The following UBE2V2 variants were observed in gnomAD, a reference collection of about 807,000 sequenced individuals.
UBE2V2 encodes ubiquitin conjugating enzyme E2 V2.
A neutral mutation model predicts 17.2 loss-of-function variants in UBE2V2; 9 were observed. The ratio of observed to expected loss-of-function variants is 0.52; its 90% CI spans 0.32 to 0.91. The LOEUF is 0.91. Ranked by LOEUF, UBE2V2 falls within the 40% of genes least tolerant of loss-of-function variation. The pLI is 0.04. For synonymous variants in UBE2V2, 61 were observed against 57.5 expected (o/e 1.06, Z -0.28); for missense variants, 133 against 182.6 (o/e 0.73, Z 1.56).
In UBE2V2 at chr8:48,063,806, C is replaced by T. The variant is rs943971691; in HGVS notation, c.*2978C>T. 8.5e-5 allele frequency: 13 copies of T among 152,056 alleles called. No individual in the cohort carries two copies. The highest frequency in any genetic ancestry group is 5.2e-4 in the Admixed American group (8 of 15,268). The allele number at this position is 152,056 out of a possible 1,614,324, so 9.4% of individuals were successfully genotyped here. On this transcript the variant is annotated 3_prime_UTR_variant, in exon 4 of 4. Transcript: ENST00000523111. ...ATCACACAGAGTGATTTGAGGTTTT[C>T]GCAGAGTAGATTTGTTTGACTCATG...
At chr8:48,047,994 G>GT (rs1172713474) in intron 2 of UBE2V2, among the ~76,000 whole-genome samples, 1 of 82,562 alleles carries the variant, frequency 1.2e-5, no homozygotes, top group Admixed American at 1.8e-4. Flanking sequence ...AAGAGCTTTG[G>GT]GTTTTTTTTT....
At chr8:48,028,339 T>C (rs916458783) in intron 1 of UBE2V2, among the ~76,000 whole-genome samples, 3 of 134,434 alleles carry the variant, frequency 2.2e-5, no homozygotes, top group East Asian at 4.3e-4. Flanking sequence ...GGCTGTTTTC[T>C]TTTTTTTTTT....
At chr8:48,031,856 C>T (rs2091385703) in intron 1 of UBE2V2, among the ~76,000 whole-genome samples, 1 of 152,090 alleles carries the variant, frequency 6.6e-6, no homozygotes, top group Non-Finnish European at 1.5e-5. Context: ...CCATGTTATC[C>T]AGGATGGTCT....
the UBE2V2 span, among the ~76,000 whole-genome samples, chr8:48,000,766 G>T: frequency 7.0e-6 from 1 of 142,538 alleles, no homozygotes; most frequent in Admixed American, 7.3e-5. Flanking sequence ...AGCCTGCAGT[G>T]AGTGGAGATC....
intron 1 of UBE2V2, chr8:48,008,698 T>TG (rs1399235053): frequency 6.3e-6 from 2 of 315,962 alleles, no homozygotes; most frequent in Non-Finnish European, 9.4e-6. Context: ...GCCGGCGGGC[T>TG]GGGGGCGGGG....
chr8:48,046,928 TGAC>T (rs947589375), intron 2 of UBE2V2, among the ~76,000 whole-genome samples: 1 of 151,472 alleles, frequency 6.6e-6, no homozygotes, highest in Non-Finnish European at 1.5e-5. Flanking sequence ...TGTACTTTAT[TGAC>T]TAAGGTCCCT....
chr8:48,014,736 T>G (rs2091256741), intron 1 of UBE2V2, among the ~76,000 whole-genome samples: 1 of 149,638 alleles, frequency 6.7e-6, no homozygotes, highest in Non-Finnish European at 1.5e-5. Flanking sequence ...TATTAAGAAT[T>G]AAAATGTTTT....
chr8:48,007,298 T>C (rs1203388061), upstream of UBE2V2, among the ~76,000 whole-genome samples: 2 of 152,086 alleles, frequency 1.3e-5, no homozygotes, highest in Non-Finnish European at 2.9e-5. Context: ...GGTATTCAAT[T>C]AGGAAAAGAG....
rs1338149599 is a variant in UBE2V2 at position 48,062,194 on chromosome 8, T to C, written c.*1366T>C. ...AATATAGAAAGGTGGTCAGGTAAAG[T>C]CTACTTTTATTTTGTCAAGCTTAAT... On this transcript the variant is annotated 3_prime_UTR_variant, in exon 4 of 4. Coordinates refer to ENST00000523111, the MANE Select transcript of UBE2V2 (RefSeq NM_003350.3). 1.3e-5 allele frequency: 2 copies of C among 152,176 alleles called. No individual in the cohort carries two copies. 9.4% of individuals were successfully genotyped at this position (152,176 alleles called of 1,614,324 possible).
At chr8:48,034,855 G>T (rs577868132) in intron 1 of UBE2V2, 1 of 168,330 alleles carries the variant, frequency 5.9e-6, no homozygotes, top group East Asian at 1.9e-4. Context: ...TCTTCTGCTG[G>T]TTTCACTTAG....
chr8:48,036,144 TG>T (rs1344218631), intron 1 of UBE2V2, among the ~76,000 whole-genome samples: 3 of 150,704 alleles, frequency 2.0e-5, no homozygotes, highest in East Asian at 4.0e-4. Context: ...TTTGTAGAGA[TG>T]GGGTTTTGCA....
At position 48,061,574 on chromosome 8, in the gene UBE2V2, CTG is replaced by C. The variant is rs992725576; in HGVS notation, c.*749_*750del. Reference sequence around the variant, plus strand: ...AAAATGTGAAACGTGTCCTCAGAGACTGTGCCATTTCTATTATGTTGATGTAT... The same window carrying C: ...AAAATGTGAAACGTGTCCTCAGAGACTGCCATTTCTATTATGTTGATGTAT... On this transcript the variant is annotated 3_prime_UTR_variant, in exon 4 of 4. Transcript: ENST00000523111. The C allele has an allele frequency of 2.6e-5, 4 of 152,594 alleles. No homozygotes were observed. The highest frequency in any genetic ancestry group is 5.9e-5 in the Non-Finnish European group (4 of 68,028). The allele number at this position is 152,594 out of a possible 1,614,324, so 9.5% of individuals were successfully genotyped here.
chr8:48,013,091 C>T (rs569227530), intron 1 of UBE2V2, among the ~76,000 whole-genome samples: 7 of 152,182 alleles, frequency 4.6e-5, no homozygotes, highest in East Asian at 1.9e-4. Flanking sequence ...ATGATCCGCC[C>T]GCCTTGGCCT....
chr8:48,033,957 T>TA (rs932549795), intron 1 of UBE2V2, among the ~76,000 whole-genome samples: 3 of 151,666 alleles, frequency 2.0e-5, no homozygotes, highest in South Asian at 2.1e-4. Context: ...ACCCTGTTGC[T>TA]AAAAAAAAGA....
chr8:48,037,519 C>T (rs1295490128), intron 1 of UBE2V2, among the ~76,000 whole-genome samples: 2 of 152,210 alleles, frequency 1.3e-5, no homozygotes, highest in African/African-American at 4.8e-5. Flanking sequence ...GCACTTTGCT[C>T]AGTCATCTGG....
chr8:48,060,586 A>G, intron 3 of UBE2V2, 96 bp from the exon 4 acceptor site: 1 of 1,204,022 alleles, frequency 8.3e-7, no homozygotes, highest in Non-Finnish European at 1.1e-6. Flanking sequence ...GCAAGCTATG[A>G]ATTTTCAAAA....
chr8:48,023,030 A>G (rs771281540), intron 1 of UBE2V2, among the ~76,000 whole-genome samples: 6 of 151,390 alleles, frequency 4.0e-5, no homozygotes, highest in Non-Finnish European at 8.8e-5. Flanking sequence ...CTTATATGTT[A>G]TTTGCTTCTT....
At chr8:48,055,356 T>C (rs1190061059) in intron 3 of UBE2V2, among the ~76,000 whole-genome samples, 2 of 150,644 alleles carry the variant, frequency 1.3e-5, no homozygotes, top group Admixed American at 6.6e-5. Context: ...CCCGCCAACA[T>C]GACCAGCTAA....
At chr8:48,034,951 G>A in intron 1 of UBE2V2, 1 of 921,266 alleles carries the variant, frequency 1.1e-6, no homozygotes, top group Non-Finnish European at 1.3e-6. Flanking sequence ...GCCTCTCCAG[G>A]TGGCCAGTTA....
Sources: gnomAD v4.1 joint callset for allele counts (sites outside exome capture counted in the v4.1 genomes callset) on GRCh38, gnomAD v4.1.1 for gene constraint, MANE v1.5 for transcripts, NCBI Gene and HGNC (gene_info 2026-07-23, HGNC 2026-07-21) for gene names.